The following PHYHIPL variants were observed in gnomAD, a reference collection of about 807,000 sequenced individuals.
PHYHIPL encodes phytanoyl-CoA 2-hydroxylase interacting protein like.
A neutral mutation model predicts 33.4 loss-of-function variants in PHYHIPL; 9 were observed. The observed-to-expected ratio is 0.27, with a 90% CI of 0.16 to 0.47. PHYHIPL has a LOEUF of 0.47. Ranked by LOEUF, PHYHIPL falls within the 20% of genes least tolerant of loss-of-function variation. The probability of loss-of-function intolerance (pLI) is 0.99; values close to 1 mark genes in which losing one functional copy is unlikely to be tolerated. For synonymous variants in PHYHIPL, 153 were observed against 154.1 expected, an observed-to-expected ratio of 0.99 and a Z score of 0.05; for missense variants, 365 against 460.7, an observed-to-expected ratio of 0.79 and a Z score of 1.90.
rs1417026872 is a variant in PHYHIPL at position 59,215,244 on chromosome 10, AC to A, written c.107-19059del. On this transcript the variant is annotated intron_variant, in intron 1 of 4. Coordinates refer to ENST00000373880, the MANE Select transcript of PHYHIPL (RefSeq NM_032439.4). ...TTTTAAATGATAGTTATTAACTTCT[AC>A]ATTGAATCTACAGAAAAGATCATTG... Among the ~76,000 whole-genome samples the A allele has an allele frequency of 2.0e-5, 3 of 152,156 alleles. No homozygotes were observed. In the East Asian group the frequency reaches 5.8e-4, roughly 29 times the overall value.
At chr10:59,176,590 C>G (rs1482953344), upstream of PHYHIPL, 2 of 307,480 alleles carry the variant, frequency 6.5e-6, no homozygotes, top group Non-Finnish European at 1.2e-5. Context: ...GCGTCCCCTC[C>G]CCGCCGGGAG....
At chr10:59,216,222 G>A (rs776494890) in intron 1 of PHYHIPL, among the ~76,000 whole-genome samples, 8 of 152,008 alleles carry the variant, frequency 5.3e-5, no homozygotes, top group African/African-American at 1.2e-4. Context: ...TCTTAGTCAC[G>A]CTACCTATTT....
chr10:59,184,240 T>C (rs2133183808), intron 1 of PHYHIPL, among the ~76,000 whole-genome samples: 1 of 152,324 alleles, frequency 6.6e-6, no homozygotes, highest in South Asian at 2.1e-4. Flanking sequence ...CATACTCATT[T>C]GTTTACATAC....
At chr10:59,212,653 C>T (rs927789999) in intron 1 of PHYHIPL, among the ~76,000 whole-genome samples, 1 of 152,202 alleles carries the variant, frequency 6.6e-6, no homozygotes, top group Non-Finnish European at 1.5e-5. Flanking sequence ...GCAGCACCAG[C>T]GCTGCTCTGA....
intron 1 of PHYHIPL, among the ~76,000 whole-genome samples, chr10:59,185,470 G>T: frequency 6.6e-6 from 1 of 152,122 alleles, no homozygotes; most frequent in Admixed American, 6.5e-5. Flanking sequence ...AATCCTTTGG[G>T]TATATACCCA....
chr10:59,232,509 G>A (rs1344366012), intron 1 of PHYHIPL, among the ~76,000 whole-genome samples: 1 of 151,844 alleles, frequency 6.6e-6, no homozygotes, highest in Admixed American at 6.6e-5. Flanking sequence ...TATGTTCTGT[G>A]AAATAATCAT....
At chr10:59,233,555 G>C (rs868377410) in intron 1 of PHYHIPL, among the ~76,000 whole-genome samples, 7 of 151,642 alleles carry the variant, frequency 4.6e-5, no homozygotes, top group African/African-American at 1.4e-4. Flanking sequence ...TGACATGTTT[G>C]TATTTTCTTT....
rs186599370 is a variant in PHYHIPL, at chr10:59,187,222, C to T, written c.106+10263C>T. 2.4e-3 allele frequency among the ~76,000 whole-genome samples: 364 copies of T among 152,228 alleles called. 2 individuals are homozygous for T. The highest frequency in any genetic ancestry group is 7.9e-3 in the African/African-American group (329 of 41,532). Reference sequence around the variant, plus strand: ...CCTTTTCTGCATCTATTGAGATAATCATGTGGTTTTTATCTTTGGTTCTGT... The same window carrying T: ...CCTTTTCTGCATCTATTGAGATAATTATGTGGTTTTTATCTTTGGTTCTGT... On this transcript the variant is annotated intron_variant, in intron 1 of 4. Coordinates refer to ENST00000373880, the MANE Select transcript of PHYHIPL (RefSeq NM_032439.4).
chr10:59,198,939 G>C (rs978017754), intron 1 of PHYHIPL, among the ~76,000 whole-genome samples: 1 of 152,052 alleles, frequency 6.6e-6, no homozygotes, highest in Non-Finnish European at 1.5e-5. Flanking sequence ...TGAGTTCTTT[G>C]TAGATTCTAG....
intron 1 of PHYHIPL, among the ~76,000 whole-genome samples, chr10:59,201,966 T>G (rs1221343369): frequency 1.3e-5 from 2 of 151,920 alleles, no homozygotes; most frequent in Non-Finnish European, 2.9e-5. Context: ...GCAAAAGAAT[T>G]TGAAGGATAA....
intron 1 of PHYHIPL, among the ~76,000 whole-genome samples, chr10:59,223,940 A>G (rs1174299286): frequency 2.0e-5 from 3 of 152,190 alleles, no homozygotes; most frequent in Admixed American, 6.5e-5. Flanking sequence ...GATTACAGGC[A>G]TGATCCACTG....
chr10:59,200,753 T>C (rs934428568), intron 1 of PHYHIPL, among the ~76,000 whole-genome samples: 29 of 152,112 alleles, frequency 1.9e-4, no homozygotes, highest in African/African-American at 6.5e-4. Context: ...TTGGTCTATT[T>C]AGCCATTCAA....
chr10:59,221,672 G>C, intron 1 of PHYHIPL: 1 of 984,826 alleles, frequency 1.0e-6, no homozygotes, highest in Non-Finnish European at 1.2e-6. Flanking sequence ...ATGAACTGTG[G>C]AAATCTAGAG....
chr10:59,218,151 A>G (rs922375756), intron 1 of PHYHIPL, among the ~76,000 whole-genome samples: 1 of 152,126 alleles, frequency 6.6e-6, no homozygotes, highest in Non-Finnish European at 1.5e-5. Context: ...TTTTCTTCTT[A>G]TAGACAGGGC....
chr10:59,178,254 C>T (rs993453401), intron 1 of PHYHIPL, among the ~76,000 whole-genome samples: 11 of 151,840 alleles, frequency 7.2e-5, no homozygotes, highest in African/African-American at 2.7e-4. Context: ...ACTTTAATTT[C>T]TGATACAGGT....
intron 4 of PHYHIPL, 26 bp downstream of exon 4, chr10:59,238,731 T>C (rs761871501): frequency 7.1e-7 from 1 of 1,416,482 alleles, no homozygotes; most frequent in Non-Finnish European, 1.0e-6. Context: ...ATATAGTGAT[T>C]TGTTTTACTA....
chr10:59,186,281 T>C (rs932862634), intron 1 of PHYHIPL, among the ~76,000 whole-genome samples: 3 of 152,208 alleles, frequency 2.0e-5, no homozygotes, highest in African/African-American at 4.8e-5. Flanking sequence ...GTTGTAGATA[T>C]GTGGCATTAT....
chr10:59,236,449 AT>A, intron 2 of PHYHIPL, 33 bp from the exon 3 acceptor site: 3 of 1,378,316 alleles, frequency 2.2e-6, no homozygotes, highest in South Asian at 1.6e-5. Flanking sequence ...GTCTCCCCTC[AT>A]TTTTCTCTCT....
intron 4 of PHYHIPL, among the ~76,000 whole-genome samples, chr10:59,244,562 C>CAAAAAAAAAAAAAAAAAAAAAAAA (rs71006239): frequency 2.5e-5 from 1 of 39,556 alleles, no homozygotes; most frequent in African/African-American, 8.3e-5. Flanking sequence ...GACTCTGTCT[C>CAAAAAAAAAAAAAAAAAAAAAAAA]AAAAAAAAAA....
Sources: allele counts gnomAD v4.1 joint callset (sites outside exome capture counted in the v4.1 genomes callset), GRCh38; gene constraint gnomAD v4.1.1; transcripts MANE v1.5; gene names NCBI Gene and HGNC (gene_info 2026-07-23, HGNC 2026-07-21).